Variants in MYO9A observed in about 807,000 individuals in gnomAD.
MYO9A encodes unconventional myosin-IXa.
In MYO9A, 103 loss-of-function variants were observed where a neutral mutation model predicts 293.3. That is an observed-to-expected ratio of 0.35 (90% CI 0.30 to 0.41). MYO9A has a LOEUF of 0.41. MYO9A is among the 10% of genes least tolerant of loss of function. MYO9A has a pLI of 1.00. For missense variants in MYO9A, 2,685 were observed against 3,033.0 expected (o/e 0.89, Z 2.69); for synonymous variants, 1,001 against 1,035.7 (o/e 0.97, Z 0.64).
At chr15:71,928,449 A>G (rs1264866005) in intron 18 of MYO9A, among the ~76,000 whole-genome samples, 1 of 151,718 alleles carries the variant, frequency 6.6e-6, no homozygotes, top group Non-Finnish European at 1.5e-5. Context: ...ATTCATATGA[A>G]TTTCAGGATT....
intron 19 of MYO9A, among the ~76,000 whole-genome samples, chr15:71,911,651 T>G (rs2057855537): frequency 6.6e-6 from 1 of 152,198 alleles, no homozygotes; most frequent in Non-Finnish European, 1.5e-5. Context: ...AAAAAACTAC[T>G]AAGTAGAGAC....
rs1191908867 is a variant in MYO9A, at chr15:71,928,027, AATATATATAT to A, written c.2562+5633_2562+5642del. On this transcript the variant is annotated intron_variant, in intron 18 of 41. Transcript: ENST00000356056. Reference sequence around the variant, plus strand: ...GCTGTTTTGATTACAATACCTTTCTAATATATATATATATATATATATATATATATTTTTT... The same window carrying A: ...GCTGTTTTGATTACAATACCTTTCTAATATATATATATATATATATTTTTT... 2.6e-3 allele frequency among the ~76,000 whole-genome samples: 28 copies of A among 10,758 alleles called. 3 individuals are homozygous for A. Among genetic ancestry groups the A allele is most frequent in the South Asian group, 5.0e-3 (1 of 200 alleles). 7.1% of individuals were successfully genotyped at this position (10,758 alleles called of 152,430 possible). A position where few individuals can be genotyped will look rare whatever the true frequency, so the allele number is the denominator to read the frequency against.
chr15:72,027,944 T>A lies in MYO9A; in HGVS notation c.936-151A>T, dbSNP rs571804395. 104 of 577,482 alleles carry A rather than the reference T, an allele frequency of 1.8e-4. 2 individuals carry two copies. The African/African-American group carries it at 1.8e-3, about 10-fold the overall frequency. The allele number at this position is 577,482 out of a possible 1,614,324, so 35.8% of individuals were successfully genotyped here. On this transcript the variant is annotated intron_variant, in intron 3 of 41. Coordinates refer to ENST00000356056, the MANE Select transcript of MYO9A (RefSeq NM_006901.4). Reference sequence around the variant, plus strand: ...CGGGCGAGGTGGCTCACACCTGTAATCTCAGCACTTTGGGAGGTCGAGATG... The same window carrying A: ...CGGGCGAGGTGGCTCACACCTGTAAACTCAGCACTTTGGGAGGTCGAGATG...
chr15:72,014,957 C>A (rs2077287741), intron 6 of MYO9A, among the ~76,000 whole-genome samples: 1 of 151,840 alleles, frequency 6.6e-6, no homozygotes, highest in Non-Finnish European at 1.5e-5. Flanking sequence ...GATTCTCTCA[C>A]CTCAGCCTCC....
chr15:72,017,715 G>A (rs1057217611), intron 6 of MYO9A, among the ~76,000 whole-genome samples: 2 of 152,100 alleles, frequency 1.3e-5, no homozygotes, highest in African/African-American at 4.8e-5. Flanking sequence ...AATTAGTAAA[G>A]TTTATAAACA....
At chr15:72,071,129 A>G (rs1270587067) in intron 1 of MYO9A, among the ~76,000 whole-genome samples, 2 of 152,262 alleles carry the variant, frequency 1.3e-5, no homozygotes, top group African/African-American at 4.8e-5. Context: ...ACAAAATGGT[A>G]GAAAATATAT....
intron 25 of MYO9A, among the ~76,000 whole-genome samples, chr15:71,894,311 T>C (rs907875955): frequency 6.6e-6 from 1 of 152,200 alleles, no homozygotes; most frequent in Non-Finnish European, 1.5e-5. Flanking sequence ...GTGCAGTGGC[T>C]CATGCCTGTA....
chr15:72,097,154 G>A (rs1313782538), intron 1 of MYO9A, among the ~76,000 whole-genome samples: 2 of 152,190 alleles, frequency 1.3e-5, no homozygotes, highest in Non-Finnish European at 2.9e-5. Context: ...GTTATATTGT[G>A]CATAAAATGC....
intron 9 of MYO9A, 51 bp from the exon 10 acceptor site, chr15:71,994,636 T>C (rs766120817): frequency 9.1e-6 from 10 of 1,101,954 alleles, no homozygotes; most frequent in Middle Eastern, 2.1e-4. Flanking sequence ...ATGATTAAGA[T>C]ACTATGACAA....
At chr15:72,006,851 T>C (rs2077032111) in intron 8 of MYO9A, among the ~76,000 whole-genome samples, 1 of 152,178 alleles carries the variant, frequency 6.6e-6, no homozygotes, top group South Asian at 2.1e-4. Context: ...GCAGAAGGAA[T>C]TGCTCATAAG....
At chr15:72,084,878 A>G (rs912281196) in intron 1 of MYO9A, among the ~76,000 whole-genome samples, 3 of 152,100 alleles carry the variant, frequency 2.0e-5, no homozygotes, top group South Asian at 2.1e-4. Flanking sequence ...TGAGATCCTG[A>G]AATATATTTT....
intron 6 of MYO9A, 130 bp downstream of exon 6, chr15:72,018,909 T>C (rs546315652): frequency 3.2e-4 from 223 of 694,828 alleles, no homozygotes; most frequent in African/African-American, 2.5e-3. Context: ...AAATGAAACA[T>C]TGATTTATCT....
rs2079562150 is a variant in MYO9A at position 72,082,060 on chromosome 15, C to G, written c.-71-35426G>C. Among the ~76,000 whole-genome samples the G allele has an allele frequency of 2.0e-5, 3 of 152,034 alleles. No homozygotes were observed. The South Asian group carries it at 6.2e-4, about 31-fold the overall frequency. The stretch of plus-strand genomic sequence containing the variant: ...AATTTTTAAATATTTTTTTCTAGAT[C>G]TATGAAGAATGTCATTGGTAGTTTG... On this transcript the variant is annotated intron_variant, in intron 1 of 41. Transcript: ENST00000356056.
intron 8 of MYO9A, among the ~76,000 whole-genome samples, chr15:72,005,205 A>C (rs1302577980): frequency 6.6e-6 from 1 of 152,202 alleles, no homozygotes; most frequent in South Asian, 2.1e-4. Context: ...GAAATTTAAG[A>C]AGCCAGGGTT....
chr15:71,966,551 A>T (rs2075883174), intron 13 of MYO9A, among the ~76,000 whole-genome samples: 1 of 152,072 alleles, frequency 6.6e-6, no homozygotes. Context: ...CCATCTTAGG[A>T]AATGGTACCT....
chr15:71,850,801 A>AAAAAAAAG (rs2055610415), intron 37 of MYO9A, among the ~76,000 whole-genome samples: 1 of 135,274 alleles, frequency 7.4e-6, no homozygotes, highest in Non-Finnish European at 1.6e-5. Context: ...AAAAAAAAAA[A>AAAAAAAAG]GAATGCAGAG....
In MYO9A at chr15:72,010,425, TCTC is replaced by T. The variant is rs2077139534; in HGVS notation, c.1175_1177del (p.Gly392del). ...GCGCTCAAAGTCATGTCTCAAATCT[TCTC>T]CTTCCACCGTGAAGCAATCCTGCTT... On this transcript the variant is annotated inframe_deletion, in exon 7 of 42. Transcript: ENST00000356056. The T allele has an allele frequency of 5.6e-6, 9 of 1,613,092 alleles. No individual in the cohort carries two copies. Among genetic ancestry groups the T allele is most frequent in the Non-Finnish European group, 7.6e-6 (9 of 1,179,526 alleles).
At chr15:72,105,698 G>C (rs1251487586) in intron 1 of MYO9A, among the ~76,000 whole-genome samples, 2 of 151,856 alleles carry the variant, frequency 1.3e-5, no homozygotes. Context: ...GTAGAGATGG[G>C]GTTTCTACAT....
Position 71,826,297 on chromosome 15 carries a change from A to G in MYO9A, c.*283T>C. 3.0e-6 allele frequency: 1 copy of G among 332,050 alleles called. No homozygotes were observed. The highest frequency in any genetic ancestry group is 5.5e-6 in the Non-Finnish European group (1 of 183,096). 20.6% of individuals were successfully genotyped at this position (332,050 alleles called of 1,614,324 possible). A position where few individuals can be genotyped will look rare whatever the true frequency, so the allele number is the denominator to read the frequency against. ...GGGAAGGGAAAAGAGGGTGGGGGAGAGGCAACTACAACTGACCCAAATCCC... is the reference window on the plus strand; with the variant it reads ...GGGAAGGGAAAAGAGGGTGGGGGAGGGGCAACTACAACTGACCCAAATCCC... On this transcript the variant is annotated 3_prime_UTR_variant, in exon 42 of 42. Coordinates refer to ENST00000356056, the MANE Select transcript of MYO9A (RefSeq NM_006901.4).
Sources: gnomAD v4.1 joint callset for allele counts (sites outside exome capture counted in the v4.1 genomes callset) on GRCh38, gnomAD v4.1.1 for gene constraint, MANE v1.5 for transcripts, NCBI Gene and HGNC (gene_info 2026-07-23, HGNC 2026-07-21) for gene names.